The following LRRC37A variants were observed in gnomAD, a reference collection of about 807,000 sequenced individuals.
LRRC37A encodes leucine rich repeat containing 37A.
In LRRC37A, 3 loss-of-function variants were observed where a neutral mutation model predicts 35.4. The ratio of observed to expected loss-of-function variants is 0.08; its 90% CI spans 0.04 to 0.22. LRRC37A has a LOEUF of 0.22. Ranked by LOEUF, LRRC37A falls within the 10% of genes least tolerant of loss-of-function variation. LRRC37A has a pLI of 1.00. For synonymous variants in LRRC37A, 23 were observed against 215.0 expected, an observed-to-expected ratio of 0.11 and a Z score of 7.81; for missense variants, 67 against 565.3, an observed-to-expected ratio of 0.12 and a Z score of 8.94.
upstream of LRRC37A, chr17:46,293,026 T>C (rs1164506961): frequency 4.1e-5 from 2 of 48,858 alleles, no homozygotes; most frequent in East Asian, 7.0e-4. Context: ...TGATCCCAGC[T>C]CATTGCAACC....
the LRRC37A span, among the ~76,000 whole-genome samples, chr17:46,273,961 G>C: frequency 2.6e-5 from 4 of 152,182 alleles, no homozygotes; most frequent in Non-Finnish European, 5.9e-5. Context: ...GTATCTTGTC[G>C]CATTACCTTT....
chr17:46,325,646 C>T lies in LRRC37A; in HGVS notation c.3053+2619C>T, dbSNP rs563402614. ...CAATTGTGAAAATGTGTATACGGAC[C>T]GCATAGTAGACAATGATAATATGAA... On this transcript the variant is annotated intron_variant, in intron 7 of 13. Coordinates refer to ENST00000320254, the Ensembl canonical transcript of LRRC37A. 1.4e-3 allele frequency among the ~76,000 whole-genome samples: 111 copies of T among 80,898 alleles called. 34 individuals carry two copies. The highest frequency in any genetic ancestry group is 4.0e-3 in the Admixed American group (31 of 7,818). 53.1% of individuals were successfully genotyped at this position (80,898 alleles called of 152,430 possible). A position where few individuals can be genotyped will look rare whatever the true frequency, so the allele number is the denominator to read the frequency against.
the LRRC37A span, among the ~76,000 whole-genome samples, chr17:46,263,822 C>T: frequency 6.7e-6 from 1 of 148,800 alleles, no homozygotes; most frequent in Non-Finnish European, 1.5e-5. Context: ...CCACTGCACT[C>T]CAGACTGGGC....
chr17:46,263,091 T>C, the LRRC37A span, among the ~76,000 whole-genome samples: 1 of 152,110 alleles, frequency 6.6e-6, no homozygotes, highest in Non-Finnish European at 1.5e-5. Flanking sequence ...TGGGTACCTG[T>C]AGTCCCAGCT....
upstream of LRRC37A, among the ~76,000 whole-genome samples, chr17:46,289,427 T>C (rs2050007532): frequency 6.6e-6 from 1 of 152,202 alleles, no homozygotes; most frequent in Admixed American, 6.5e-5. Context: ...TGCCTTTGCC[T>C]CCCAAAGTGC....
At chr17:46,280,535 GA>G in the LRRC37A span, among the ~76,000 whole-genome samples, 8 of 142,064 alleles carry the variant, frequency 5.6e-5, no homozygotes, top group Admixed American at 2.9e-4. Context: ...TTATTAAAAA[GA>G]AAAAAATTTG....
At chr17:46,267,923 CAG>C in the LRRC37A span, among the ~76,000 whole-genome samples, 1 of 84,160 alleles carries the variant, frequency 1.2e-5, no homozygotes, top group Non-Finnish European at 2.4e-5. Context: ...TTTTTTTAGA[CAG>C]AGTCTCGCTC....
chr17:46,274,350 A>T, the LRRC37A span, among the ~76,000 whole-genome samples: 4 of 152,378 alleles, frequency 2.6e-5, no homozygotes, highest in South Asian at 8.3e-4. Flanking sequence ...GACAAATTGT[A>T]CTGTTATATT....
chr17:46,317,107 G>A (rs1431696031), intron 5 of LRRC37A, among the ~76,000 whole-genome samples: 4 of 86,680 alleles, frequency 4.6e-5, no homozygotes, highest in African/African-American at 6.0e-5. Context: ...ATCATGGCCC[G>A]TTCTCAATGA....
At chr17:46,284,591 G>T in the LRRC37A span, among the ~76,000 whole-genome samples, 1 of 152,216 alleles carries the variant, frequency 6.6e-6, no homozygotes, top group African/African-American at 2.4e-5. Flanking sequence ...AGTGTGGGGG[G>T]TGGAACACAA....
At chr17:46,262,718 G>A in the LRRC37A span, among the ~76,000 whole-genome samples, 6 of 151,848 alleles carry the variant, frequency 4.0e-5, no homozygotes, top group Non-Finnish European at 7.4e-5. Flanking sequence ...CCGGGAGGCG[G>A]AGGTTGCGGT....
chr17:46,253,516 G>A, the LRRC37A span, among the ~76,000 whole-genome samples: 2 of 152,336 alleles, frequency 1.3e-5, no homozygotes, highest in African/African-American at 4.8e-5. Context: ...GGAGGCCGAG[G>A]CTGGCGGATC....
chr17:46,266,861 C>G, the LRRC37A span, among the ~76,000 whole-genome samples: 15,877 of 143,130 alleles, frequency 0.11, 1 homozygote, highest in Middle Eastern at 0.18. Flanking sequence ...GTCGCCGCGC[C>G]GCGGGCCCGC....
At position 46,308,942 on chromosome 17, in the gene LRRC37A, CTAGA is replaced by C. The variant is rs1276593789; in HGVS notation, c.2906+2636_2906+2639del. 7.4e-5 allele frequency among the ~76,000 whole-genome samples: 5 copies of C among 67,776 alleles called. 2 individuals are homozygous for C. Among genetic ancestry groups the C allele is most frequent in the African/African-American group, 1.9e-4 (5 of 26,640 alleles). 44.5% of individuals were successfully genotyped at this position (67,776 alleles called of 152,430 possible). On this transcript the variant is annotated intron_variant, in intron 5 of 13. Coordinates refer to ENST00000320254, the Ensembl canonical transcript of LRRC37A. ...AGTCATAATTTTTTTAATGTTTTTA[CTAGA>C]TAAGGCTCAGGCCCCACAAAATCCT...
At chr17:46,271,021 A>G in the LRRC37A span, among the ~76,000 whole-genome samples, 18,464 of 152,160 alleles carry the variant, frequency 0.12, no homozygotes, top group Non-Finnish European at 0.18. Context: ...GTATCTAGAA[A>G]TACCTTAGAA....
upstream of LRRC37A, among the ~76,000 whole-genome samples, chr17:46,288,048 G>T (rs1435252457): frequency 6.6e-6 from 1 of 152,126 alleles, no homozygotes; most frequent in African/African-American, 2.4e-5. Flanking sequence ...GGCATTTCTT[G>T]GTAGATTCAC....
chr17:46,256,687 G>C, the LRRC37A span, among the ~76,000 whole-genome samples: 1 of 152,308 alleles, frequency 6.6e-6, no homozygotes. Context: ...TTACTTAATG[G>C]AGGAAGGAGG....
At chr17:46,254,741 A>G in the LRRC37A span, among the ~76,000 whole-genome samples, 1 of 150,540 alleles carries the variant, frequency 6.6e-6, no homozygotes, top group South Asian at 2.1e-4. Flanking sequence ...GGGTTTCACC[A>G]TGTTGGCCAG....
chr17:46,283,682 G>T, the LRRC37A span, among the ~76,000 whole-genome samples: 3 of 152,186 alleles, frequency 2.0e-5, no homozygotes, highest in Non-Finnish European at 4.4e-5. Context: ...ACTTGGAAAA[G>T]AAAAAGACAC....
Sources: gnomAD v4.1 joint callset for allele counts (sites outside exome capture counted in the v4.1 genomes callset) on GRCh38, gnomAD v4.1.1 for gene constraint, MANE v1.5 for transcripts, NCBI Gene and HGNC (gene_info 2026-07-23, HGNC 2026-07-21) for gene names.